The following CYP4A11 variants were observed in gnomAD, a reference collection of about 807,000 sequenced individuals.
CYP4A11 encodes the protein cytochrome P450 4A11.
In CYP4A11, 52 loss-of-function variants were observed where a neutral mutation model predicts 57.7. That is an observed-to-expected ratio of 0.90 (90% CI 0.72 to 1.14). The LOEUF is 1.14. Among genes scored for constraint, CYP4A11 ranks in the 50% most tolerant of loss-of-function variants. The pLI, the probability that CYP4A11 is intolerant of heterozygous loss-of-function variation, is 0.00. For synonymous variants in CYP4A11, 228 were observed against 247.1 expected (o/e 0.92, Z 0.72); for missense variants, 641 against 642.1 (o/e 1.00, Z 0.02).
rs1260181141 is a variant in CYP4A11 at position 46,938,028 on chromosome 1, G to A, written c.305C>T (p.Pro102Leu). 6.2e-7 allele frequency: 1 copy of A among 1,614,170 alleles called. No individual in the cohort carries two copies. Among genetic ancestry groups the A allele is most frequent in the Non-Finnish European group, 8.5e-7 (1 of 1,180,028 alleles). Residue 102 changes from proline (P) to leucine (L), a missense_variant, in exon 2 of 12, where the codon CCT becomes CTT. Transcript: ENST00000310638. The stretch of plus-strand genomic sequence containing the variant: ...CCCCAGAATCACCTTCATATAGTCA[G>A]GGTCATAGAGCTGGACACGAACTTT... ...GGKVRVQLYD[P>L]DYMKVILGRS...
At position 46,929,313 on chromosome 1, in the gene CYP4A11, G is replaced by C. The variant is rs1203704217; in HGVS notation, c.*802C>G. 3.3e-5 allele frequency: 5 copies of C among 152,124 alleles called. No individual in the cohort carries two copies. Among genetic ancestry groups the C allele is most frequent in the Admixed American group, 2.0e-4 (3 of 15,276 alleles). 9.4% of individuals were successfully genotyped at this position (152,124 alleles called of 1,614,324 possible). ...GGGCAGGCAGGAGTTTGGGAGGTGG[G>C]TGGAGATTCAGGGATGTTGGGGTGT... On this transcript the variant is annotated 3_prime_UTR_variant, in exon 12 of 12. Transcript: ENST00000310638.
intron 11 of CYP4A11, among the ~76,000 whole-genome samples, chr1:46,931,200 G>C (rs1331642536): frequency 1.3e-5 from 2 of 152,066 alleles, no homozygotes; most frequent in Non-Finnish European, 2.9e-5. Context: ...CTCCACCTCT[G>C]CCTGCCACAT....
intron 11 of CYP4A11, 84 bp from the exon 12 acceptor site, chr1:46,930,394 C>T (rs1390314972): frequency 4.1e-6 from 6 of 1,474,574 alleles, no homozygotes; most frequent in Middle Eastern, 2.0e-4. Context: ...GACCCCAGCC[C>T]TGAGCTGGAC....
intron 11 of CYP4A11, chr1:46,932,557 C>A (rs1441864773): frequency 6.9e-7 from 1 of 1,442,544 alleles, no homozygotes; most frequent in Non-Finnish European, 9.1e-7. Context: ...GCAGAGGGAG[C>A]AAAGTCTCCA....
chr1:46,934,608 C>T (rs762206031), intron 6 of CYP4A11, 49 bp from the exon 7 acceptor site: 20 of 1,553,620 alleles, frequency 1.3e-5, no homozygotes, highest in South Asian at 9.4e-5. Context: ...GTCAGCAGCC[C>T]CCAGGAGGCC....
At chr1:46,940,438 AT>A (rs1168758012) in intron 1 of CYP4A11, among the ~76,000 whole-genome samples, 2 of 152,118 alleles carry the variant, frequency 1.3e-5, no homozygotes, top group African/African-American at 4.8e-5. Flanking sequence ...CTGTGCCAGG[AT>A]TTTGCTGATT....
Position 46,938,079 on chromosome 1 carries a change from G to A in CYP4A11, c.254C>T (p.Ala85Val), listed in dbSNP as rs1225647908. 3.7e-6 allele frequency: 6 copies of A among 1,614,216 alleles called. No individual in the cohort carries two copies. The highest frequency in any genetic ancestry group is 3.4e-6 in the Non-Finnish European group (4 of 1,180,034). ...IQKWVETFPS[A>V]CPHWLWGGKV... is the part of the protein sequence containing the mutation. ...GCCTCCCCATAGCCAATGAGGACAGGCACTTGGGAATGTCTCCACCCATTT... is the reference window on the plus strand; with the variant it reads ...GCCTCCCCATAGCCAATGAGGACAGACACTTGGGAATGTCTCCACCCATTT... The change falls in exon 2 of 12, where the codon GCC becomes GTC. Residue 85 changes from alanine (A) to valine (V), a missense_variant. Coordinates refer to ENST00000310638, the MANE Select transcript of CYP4A11 (RefSeq NM_000778.4).
rs567050550 is a variant in CYP4A11, at chr1:46,940,420, T to C, written c.195+819A>G. Among the ~76,000 whole-genome samples, 596 of 152,278 alleles carry C rather than the reference T, an allele frequency of 3.9e-3. 2 individuals are homozygous for C. Among genetic ancestry groups the C allele is most frequent in the Middle Eastern group, 0.014 (4 of 294 alleles). Reference sequence around the variant, plus strand: ...AGCTTGCTCTACACACCTGAGCTGATCATCAAGCTGTGCCAGGATTTTGCT... The same window carrying C: ...AGCTTGCTCTACACACCTGAGCTGACCATCAAGCTGTGCCAGGATTTTGCT... On this transcript the variant is annotated intron_variant, in intron 1 of 11. Transcript: ENST00000310638.
Position 46,932,784 on chromosome 1 carries a change from G to C in CYP4A11, c.1341C>G (p.Phe447Leu), listed in dbSNP as rs1399721304. 1 of 1,614,184 alleles carries C rather than the reference G, an allele frequency of 6.2e-7. No individual in the cohort carries two copies. The highest frequency in any genetic ancestry group is 1.1e-5 in the South Asian group (1 of 91,084). The change falls in exon 11 of 12, where the codon TTC (phenylalanine) becomes TTG (leucine). Residue 447 changes from phenylalanine (F) to leucine (L), a missense_variant. Physicochemically the swap from Phe to Leu is conservative, Grantham distance 22. Transcript: ENST00000310638. ...APGSAQHSHA[F>L]LPFSGGSRNC... ...ACCTTGATCCTCCTGAGAAGGGCAG[G>C]AAAGCGTGGCTGTGTTGAGCAGAAC...
rs200491734 is a variant in CYP4A11 at position 46,934,381 on chromosome 1, G to T, written c.898-15C>A. 22 of 1,555,056 alleles carry T rather than the reference G, an allele frequency of 1.4e-5. No individual in the cohort carries two copies. The highest frequency in any genetic ancestry group is 1.8e-5 in the Non-Finnish European group (21 of 1,143,804). Reference sequence around the variant, plus strand: ...CCATTCTCCATCTGGGAAGACCGTGGTGAAAATGCAGGGCTTGTCTCTTGC... The same window carrying T: ...CCATTCTCCATCTGGGAAGACCGTGTTGAAAATGCAGGGCTTGTCTCTTGC... On this transcript the variant is annotated splice_polypyrimidine_tract_variant and intron_variant, in intron 7 of 11. Transcript: ENST00000310638.
At chr1:46,933,911 G>A (rs750283694) in intron 9 of CYP4A11, 35 bp downstream of exon 9, 1 of 1,613,030 alleles carries the variant, frequency 6.2e-7, no homozygotes, top group Non-Finnish European at 8.5e-7. Flanking sequence ...CGTCCCTGTG[G>A]AGAGTTTAGG....
intron 1 of CYP4A11, among the ~76,000 whole-genome samples, chr1:46,939,382 G>C (rs1318174194): frequency 6.6e-6 from 1 of 152,110 alleles, no homozygotes; most frequent in East Asian, 1.9e-4. Context: ...CTAGTTGGGG[G>C]GTAAGAAAGA....
At chr1:46,939,866 G>T (rs948873761) in intron 1 of CYP4A11, among the ~76,000 whole-genome samples, 1 of 145,600 alleles carries the variant, frequency 6.9e-6, no homozygotes, top group African/African-American at 2.6e-5. Flanking sequence ...GGGAAAGAAG[G>T]CAGAGTGGTA....
rs1557545217 is a variant in CYP4A11 at position 46,930,155 on chromosome 1, C to G, written c.1520G>C (p.Arg507Thr). The change falls in exon 12 of 12, where the codon AGG becomes ACG. Residue 507 changes from arginine to threonine, a missense_variant. Transcript: ENST00000310638. ...GTCTTCACAAGGGTTAGGGAGCCTC[C>G]TGAGACGCAGGTGGATTCCATTTTT... The part of the protein sequence containing the change: ...KSKNGIHLRL[R>T]RLPNPCEDKD... The G allele has an allele frequency of 6.2e-7, 1 of 1,613,834 alleles. No homozygotes were observed. Among genetic ancestry groups the G allele is most frequent in the Non-Finnish European group, 8.5e-7 (1 of 1,179,932 alleles).
chr1:46,937,266 T>G, intron 3 of CYP4A11, 36 bp downstream of exon 3: 1 of 1,608,974 alleles, frequency 6.2e-7, no homozygotes, highest in Non-Finnish European at 8.5e-7. Flanking sequence ...CAAACCTGAC[T>G]AGGGAGTGGG....
intron 9 of CYP4A11, 163 bp downstream of exon 9, chr1:46,933,783 C>T: frequency 7.9e-7 from 1 of 1,262,750 alleles, no homozygotes; most frequent in Non-Finnish European, 1.1e-6. Context: ...AGCTCTCAGC[C>T]AGACTTTTCA....
rs1681581237 is a variant in CYP4A11 at position 46,938,850 on chromosome 1, T to C, written c.196-713A>G. Reference sequence around the variant, plus strand: ...GATGTGGATCACAAAGCCCTTGGCTTTCTGGCTTCAACTTCTCTTTTCTTG... The same window carrying C: ...GATGTGGATCACAAAGCCCTTGGCTCTCTGGCTTCAACTTCTCTTTTCTTG... On this transcript the variant is annotated intron_variant, in intron 1 of 11. Transcript: ENST00000310638. Among the ~76,000 whole-genome samples the C allele has an allele frequency of 2.0e-5, 3 of 152,356 alleles. No homozygotes were observed. The South Asian group carries it at 6.2e-4, about 32-fold the overall frequency.
chr1:46,937,021 T>C (rs1681449853), intron 3 of CYP4A11, among the ~76,000 whole-genome samples: 1 of 152,168 alleles, frequency 6.6e-6, no homozygotes, highest in Non-Finnish European at 1.5e-5. Flanking sequence ...TTATGACAGC[T>C]GTGAGATAAA....
intron 11 of CYP4A11, chr1:46,932,327 A>G (rs1473364653): frequency 1.4e-5 from 15 of 1,039,670 alleles, no homozygotes; most frequent in African/African-American, 1.7e-5. Flanking sequence ...AGACTAGTGA[A>G]TTAAATAGGG....
Sources: gnomAD v4.1 joint callset for allele counts (sites outside exome capture counted in the v4.1 genomes callset) on GRCh38, gnomAD v4.1.1 for gene constraint, MANE v1.5 for transcripts, NCBI Gene and HGNC (gene_info 2026-07-23, HGNC 2026-07-21) for gene names.